The following PEBP4 variants were observed in gnomAD, a reference collection of about 807,000 sequenced individuals.
PEBP4 encodes phosphatidylethanolamine-binding protein 4.
Under a neutral mutation model 23.9 loss-of-function variants are expected in PEBP4, and 22 were observed. That is an observed-to-expected ratio of 0.92 (90% confidence interval 0.66 to 1.31). The LOEUF is 1.31. PEBP4 is among the 40% of genes most tolerant of loss of function. The pLI is 0.00. For missense variants in PEBP4, 324 were observed against 281.7 expected (o/e 1.15, Z -1.07); for synonymous variants, 112 against 99.3 (o/e 1.13, Z -0.76).
chr8:22,787,762 A>G (rs560736144), intron 4 of PEBP4, among the ~76,000 whole-genome samples: 1 of 152,260 alleles, frequency 6.6e-6, no homozygotes, highest in Admixed American at 6.5e-5. Flanking sequence ...GACGGTGCTA[A>G]GTTCCCTGAT....
chr8:22,831,154 C>T lies in PEBP4; in HGVS notation c.259-13419G>A, dbSNP rs528925035. Among the ~76,000 whole-genome samples the T allele has an allele frequency of 1.5e-4, 23 of 152,334 alleles. No individual in the cohort carries two copies. The East Asian group carries it at 4.2e-3, about 28-fold the overall frequency. ...CCCATCCCTGGAACTACTTAACTTT[C>T]ATTCATTCTTCAGAACTCAATTCAA... On this transcript the variant is annotated intron_variant, in intron 3 of 6. Coordinates refer to ENST00000256404, the MANE Select transcript of PEBP4 (RefSeq NM_144962.3).
chr8:22,930,338 T>C (rs1471932638), upstream of PEBP4, among the ~76,000 whole-genome samples: 2 of 152,210 alleles, frequency 1.3e-5, no homozygotes, highest in African/African-American at 2.4e-5. Context: ...ATTCCTGTTA[T>C]AAACAATTAG....
chr8:22,767,287 C>CGTGT (rs1805629622), intron 4 of PEBP4, among the ~76,000 whole-genome samples: 1 of 152,216 alleles, frequency 6.6e-6, no homozygotes, highest in South Asian at 2.1e-4. Flanking sequence ...AGCTGTGACA[C>CGTGT]GCTGGTGTGG....
chr8:22,909,178 C>G (rs1363437538), intron 3 of PEBP4, among the ~76,000 whole-genome samples: 1 of 152,174 alleles, frequency 6.6e-6, no homozygotes, highest in Non-Finnish European at 1.5e-5. Context: ...CTGGTGTCGG[C>G]TCTTCCCATT....
intron 4 of PEBP4, among the ~76,000 whole-genome samples, chr8:22,748,218 C>T (rs916466299): frequency 1.3e-5 from 2 of 152,070 alleles, no homozygotes; most frequent in African/African-American, 4.8e-5. Flanking sequence ...GGGGGCTGCG[C>T]TCAGGCTGCT....
At chr8:22,736,863 T>G (rs1338808423) in intron 4 of PEBP4, among the ~76,000 whole-genome samples, 1 of 152,186 alleles carries the variant, frequency 6.6e-6, no homozygotes, top group Non-Finnish European at 1.5e-5. Context: ...CCCCAACTCC[T>G]TTTCTCTTAC....
intron 4 of PEBP4, among the ~76,000 whole-genome samples, chr8:22,780,509 C>G (rs896731344): frequency 6.6e-6 from 1 of 152,152 alleles, no homozygotes; most frequent in Non-Finnish European, 1.5e-5. Context: ...TCTGCCTGAA[C>G]TACAGATGAA....
chr8:22,726,369 C>A (rs1804623624), intron 5 of PEBP4, among the ~76,000 whole-genome samples: 1 of 152,190 alleles, frequency 6.6e-6, no homozygotes, highest in Non-Finnish European at 1.5e-5. Context: ...CTTGACGCTG[C>A]CCAAAACTGG....
intron 3 of PEBP4, chr8:22,878,210 T>TGGAGAGGGAGAGGGAGGG (rs1554493707): frequency 2.6e-5 from 3 of 115,680 alleles, no homozygotes; most frequent in African/African-American, 9.8e-5. Flanking sequence ...AGGGTGAGCA[T>TGGAGAGGGAGAGGGAGGG]GGAGAGGGAG....
intron 4 of PEBP4, among the ~76,000 whole-genome samples, chr8:22,808,153 C>T (rs1380745131): frequency 6.6e-6 from 1 of 151,932 alleles, no homozygotes; most frequent in Non-Finnish European, 1.5e-5. Context: ...ATCACTCCAT[C>T]CATCCATCTA....
chr8:22,872,186 T>C (rs1018822297), intron 3 of PEBP4, among the ~76,000 whole-genome samples: 4 of 152,236 alleles, frequency 2.6e-5, no homozygotes, highest in African/African-American at 9.6e-5. Context: ...GCCTATAACA[T>C]TCTTATGATA....
intron 3 of PEBP4, chr8:22,879,546 C>G (rs147192485): frequency 9.9e-4 from 150 of 152,280 alleles, no homozygotes; most frequent in African/African-American, 3.5e-3. Context: ...ACAGAAGCAA[C>G]TGAGGTCCAG....
chr8:22,780,635 G>A (rs1484726176), intron 4 of PEBP4, among the ~76,000 whole-genome samples: 1 of 152,130 alleles, frequency 6.6e-6, no homozygotes, highest in Non-Finnish European at 1.5e-5. Context: ...AAGTTATAAG[G>A]CCTGAAGGCA....
chr8:22,859,232 G>T (rs573177957), intron 3 of PEBP4, among the ~76,000 whole-genome samples: 3 of 152,316 alleles, frequency 2.0e-5, no homozygotes, highest in Admixed American at 2.0e-4. Context: ...CCCCCGTGGA[G>T]CCTGCACCCC....
At chr8:22,887,250 G>T (rs756934472) in intron 3 of PEBP4, 3 of 152,006 alleles carry the variant, frequency 2.0e-5, no homozygotes, top group African/African-American at 7.2e-5. Context: ...CTGGGTTCAA[G>T]CGATTCTCCT....
intron 4 of PEBP4, among the ~76,000 whole-genome samples, chr8:22,811,282 G>C (rs987975848): frequency 2.6e-5 from 4 of 152,112 alleles, no homozygotes; most frequent in African/African-American, 9.7e-5. Flanking sequence ...TGCTCACATG[G>C]ATAACAGGAC....
At chr8:22,843,781 A>C (rs2128766063) in intron 3 of PEBP4, among the ~76,000 whole-genome samples, 1 of 152,322 alleles carries the variant, frequency 6.6e-6, no homozygotes, top group Middle Eastern at 3.4e-3. Flanking sequence ...TTATCTGGGA[A>C]GCTCGAAGAG....
chr8:22,926,947 A>T (rs537651451), intron 2 of PEBP4, among the ~76,000 whole-genome samples: 39 of 152,272 alleles, frequency 2.6e-4, no homozygotes, highest in African/African-American at 9.1e-4. Context: ...AGGATGACCC[A>T]CAAGTCCACA....
Position 22,861,467 on chromosome 8 carries a change from T to G in PEBP4, c.259-43732A>C, listed in dbSNP as rs1807777178. On this transcript the variant is annotated intron_variant, in intron 3 of 6. Transcript: ENST00000256404. ...TGAGGCCCAGAGAGGCTACACACCT[T>G]ACCCGCTGAATACAGAGGAAATTAA... is the stretch of plus-strand genomic sequence containing the variant. Among the ~76,000 whole-genome samples, 4 of 152,194 alleles carry G rather than the reference T, an allele frequency of 2.6e-5. No individual in the cohort carries two copies. The South Asian group carries it at 8.3e-4, about 31-fold the overall frequency.
Sources: gnomAD v4.1 joint callset for allele counts (sites outside exome capture counted in the v4.1 genomes callset) on GRCh38, gnomAD v4.1.1 for gene constraint, MANE v1.5 for transcripts, NCBI Gene and HGNC (gene_info 2026-07-23, HGNC 2026-07-21) for gene names.